Variants in JMJD1C observed in about 807,000 individuals in gnomAD.
JMJD1C encodes jumonji domain containing 1C, also known as jumonji domain-containing protein 1C.
Under a neutral mutation model 245.3 loss-of-function variants are expected in JMJD1C, and 31 were observed. That is an observed-to-expected ratio of 0.13 (90% CI 0.09 to 0.17). The LOEUF is 0.17. Among genes scored for constraint, JMJD1C ranks in the 10% least tolerant of loss-of-function variants. The pLI is 1.00. For synonymous variants in JMJD1C, 1,057 were observed against 1,017.4 expected, an observed-to-expected ratio of 1.04 and a Z score of -0.74; for missense variants, 2,691 against 3,000.2, an observed-to-expected ratio of 0.90 and a Z score of 2.41.
At chr10:63,195,275 C>T (rs1845316441) in intron 13 of JMJD1C, among the ~76,000 whole-genome samples, 1 of 151,106 alleles carries the variant, frequency 6.6e-6, no homozygotes, top group African/African-American at 2.4e-5. Flanking sequence ...ATCACTTGAA[C>T]TCCAGGAGGT....
intron 2 of JMJD1C, among the ~76,000 whole-genome samples, chr10:63,275,412 T>C (rs1454314905): frequency 6.6e-6 from 1 of 152,230 alleles, no homozygotes; most frequent in Non-Finnish European, 1.5e-5. Flanking sequence ...CATAAGTTTA[T>C]GTATTTTTAA....
At chr10:63,376,294 A>G (rs1282401274) in intron 2 of JMJD1C, among the ~76,000 whole-genome samples, 1 of 152,218 alleles carries the variant, frequency 6.6e-6, no homozygotes, top group Non-Finnish European at 1.5e-5. Context: ...TAATTCACCA[A>G]AATTTGTGAT....
intron 1 of JMJD1C, among the ~76,000 whole-genome samples, chr10:63,386,298 A>G (rs1036329164): frequency 6.6e-6 from 1 of 152,160 alleles, no homozygotes; most frequent in African/African-American, 2.4e-5. Flanking sequence ...AGCAAAGTGC[A>G]CCTGCCCAGT....
chr10:63,269,497 T>C (rs992765923), intron 2 of JMJD1C, among the ~76,000 whole-genome samples: 2 of 152,166 alleles, frequency 1.3e-5, no homozygotes, highest in Non-Finnish European at 2.9e-5. Flanking sequence ...GGTGAGAAAG[T>C]GCAGAAAAGA....
intron 21 of JMJD1C, 84 bp from the exon 22 acceptor site, chr10:63,183,653 T>C (rs1294327257): frequency 6.7e-6 from 5 of 750,918 alleles, no homozygotes; most frequent in Non-Finnish European, 8.0e-6. Context: ...ATTAGCTCGA[T>C]CTGCATAATT....
At chr10:63,293,997 T>G (rs1465735200) in intron 2 of JMJD1C, among the ~76,000 whole-genome samples, 2 of 152,208 alleles carry the variant, frequency 1.3e-5, no homozygotes, top group Non-Finnish European at 2.9e-5. Flanking sequence ...ATTGCCCTTC[T>G]TGCATTTAAT....
intron 1 of JMJD1C, among the ~76,000 whole-genome samples, chr10:63,391,435 G>C (rs984015402): frequency 6.6e-6 from 1 of 151,990 alleles, no homozygotes; most frequent in South Asian, 2.1e-4. Context: ...GTGTGAACTC[G>C]GGAGGCAGAG....
intron 3 of JMJD1C, among the ~76,000 whole-genome samples, chr10:63,246,007 A>T (rs1183770980): frequency 6.6e-6 from 1 of 152,208 alleles, no homozygotes; most frequent in African/African-American, 2.4e-5. Context: ...GCTCAAAGAT[A>T]GGCTATTTAA....
chr10:63,349,100 C>CAAAAAAAAAAAA (rs71463516), intron 2 of JMJD1C, among the ~76,000 whole-genome samples: 9 of 34,866 alleles, frequency 2.6e-4, no homozygotes, highest in Admixed American at 5.1e-4. Context: ...GACTCTGTCT[C>CAAAAAAAAAAAA]AAAAAAAAAA....
intron 1 of JMJD1C, among the ~76,000 whole-genome samples, chr10:63,453,296 G>C (rs947059145): frequency 1.3e-5 from 2 of 152,082 alleles, no homozygotes; most frequent in African/African-American, 4.8e-5. Context: ...AACAAAAATA[G>C]TTAAAATTGT....
intron 1 of JMJD1C, among the ~76,000 whole-genome samples, chr10:63,492,799 A>G (rs1954218379): frequency 6.6e-6 from 1 of 152,240 alleles, no homozygotes; most frequent in Non-Finnish European, 1.5e-5. Context: ...TTAATATGCC[A>G]ATCTCAAAGT....
intron 24 of JMJD1C, among the ~76,000 whole-genome samples, chr10:63,175,196 G>C (rs996595986): frequency 2.0e-5 from 3 of 152,154 alleles, no homozygotes; most frequent in Non-Finnish European, 2.9e-5. Context: ...TTTGAATACA[G>C]ATTAGCTATT....
At chr10:63,326,911 G>C (rs1377286470) in intron 2 of JMJD1C, among the ~76,000 whole-genome samples, 1 of 152,110 alleles carries the variant, frequency 6.6e-6, no homozygotes, top group Non-Finnish European at 1.5e-5. Flanking sequence ...CAGGGGCTGG[G>C]CATGGTGGCT....
At chr10:63,438,407 C>G (rs1182350455) in intron 1 of JMJD1C, among the ~76,000 whole-genome samples, 1 of 152,130 alleles carries the variant, frequency 6.6e-6, no homozygotes, top group Middle Eastern at 3.2e-3. Context: ...TCTAATGCTA[C>G]CACAGAATCG....
chr10:63,280,892 G>A (rs931112019), intron 2 of JMJD1C, among the ~76,000 whole-genome samples: 4 of 151,786 alleles, frequency 2.6e-5, no homozygotes, highest in Admixed American at 2.0e-4. Flanking sequence ...AGGCTGTCCC[G>A]CTTGACAGAA....
chr10:63,250,447 TG>T (rs367649010), intron 3 of JMJD1C, among the ~76,000 whole-genome samples: 81 of 152,300 alleles, frequency 5.3e-4, no homozygotes, highest in African/African-American at 1.9e-3. Context: ...TTTATAGTGC[TG>T]GTAGTGGGTA....
intron 1 of JMJD1C, among the ~76,000 whole-genome samples, chr10:63,402,706 C>T (rs1948940833): frequency 6.6e-6 from 1 of 152,170 alleles, no homozygotes; most frequent in South Asian, 2.1e-4. Flanking sequence ...AATTAGACTT[C>T]TGTTAGATTC....
chr10:63,357,843 AC>A (rs1838884338), intron 2 of JMJD1C, among the ~76,000 whole-genome samples: 6 of 147,782 alleles, frequency 4.1e-5, no homozygotes, highest in Non-Finnish European at 8.9e-5. Context: ...ACACACACAC[AC>A]ACACACACAC....
At chr10:63,349,003 AG>A (rs1944097536) in intron 2 of JMJD1C, among the ~76,000 whole-genome samples, 1 of 145,690 alleles carries the variant, frequency 6.9e-6, no homozygotes, top group South Asian at 2.2e-4. Flanking sequence ...TGGGAGGCAG[AG>A]GCAGGAGAAT....
Sources: gnomAD v4.1 joint callset for allele counts (sites outside exome capture counted in the v4.1 genomes callset) on GRCh38, gnomAD v4.1.1 for gene constraint, MANE v1.5 for transcripts, NCBI Gene and HGNC (gene_info 2026-07-23, HGNC 2026-07-21) for gene names.